Variants in SMS observed in about 807,000 individuals in gnomAD.
SMS encodes the protein spermidine aminopropyltransferase.
A neutral mutation model predicts 33.0 loss-of-function variants in SMS; 3 were observed. The ratio of observed to expected loss-of-function variants is 0.09; its 90% CI spans 0.04 to 0.23. The LOEUF (loss-of-function observed/expected upper bound fraction) is 0.23. SMS is among the 10% of genes least tolerant of loss of function. The pLI is 1.00. For synonymous variants in SMS, 103 were observed against 112.2 expected, an observed-to-expected ratio of 0.92 and a Z score of 0.52; for missense variants, 117 against 288.6, an observed-to-expected ratio of 0.41 and a Z score of 4.31.
In SMS at chrX:21,994,383, A is replaced by G. The variant is rs1925949768; in HGVS notation, c.*32A>G. The G allele has an allele frequency of 8.3e-7, 1 of 1,200,478 alleles. No individual in the cohort carries two copies. Among genetic ancestry groups the G allele is most frequent in the Non-Finnish European group, 1.1e-6 (1 of 886,817 alleles). ...GTAGCCCCTAATCACATGTGCTGCA[A>G]ATAGCCTTCCTGACCTCCATATGCT... On this transcript the variant is annotated 3_prime_UTR_variant, in exon 11 of 11. Coordinates refer to ENST00000404933, the MANE Select transcript of SMS (RefSeq NM_004595.5).
intron 7 of SMS, among the ~76,000 whole-genome samples, chrX:21,981,878 A>ACTAGAAGCC (rs1241934763): frequency 2.8e-5 from 3 of 105,812 alleles, no homozygotes; most frequent in African/African-American, 6.6e-5. Context: ...TACCAAGCCA[A>ACTAGAAGCC]AAGTCAGACT....
intron 1 of SMS, among the ~76,000 whole-genome samples, chrX:21,944,544 A>AAAAAAAAAAAAAAAAAAAAAAAAAAAAG (rs1555992699): frequency 1.0e-5 from 1 of 99,045 alleles, no homozygotes; most frequent in Non-Finnish European, 2.0e-5. Context: ...AAAAAAAAAA[A>AAAAAAAAAAAAAAAAAAAAAAAAAAAAG]AGAAAAAAAA....
Position 21,992,718 on chromosome X carries a change from C to T in SMS, c.1061+6C>T. On this transcript the variant is annotated splice_donor_region_variant and intron_variant, in intron 10 of 10. Transcript: ENST00000404933. ...GTCCCTTCATACTTGGAATTGTATC[C>T]TTTGACCGTGACATTCTGTTGCCAG... 2 of 1,062,258 alleles carry T rather than the reference C, an allele frequency of 1.9e-6. No homozygotes were observed. Among genetic ancestry groups the T allele is most frequent in the Non-Finnish European group, 2.6e-6 (2 of 761,118 alleles). The allele number at this position is 1,062,258 out of a possible 1,213,427, so 87.5% of individuals were successfully genotyped here. A position where few individuals can be genotyped will look rare whatever the true frequency, so the allele number is the denominator to read the frequency against.
At chrX:21,947,152 A>G (rs780876156) in intron 1 of SMS, among the ~76,000 whole-genome samples, 89 of 112,203 alleles carry the variant, frequency 7.9e-4, no homozygotes, top group African/African-American at 2.8e-3. Flanking sequence ...TGTAGTTCAG[A>G]TTGCATCTAG....
chrX:21,994,295 CT>C lies in SMS; in HGVS notation c.1062-15del. The C allele has an allele frequency of 8.3e-7, 1 of 1,200,299 alleles. No individual in the cohort carries two copies. Among genetic ancestry groups the C allele is most frequent in the Non-Finnish European group, 1.1e-6 (1 of 885,445 alleles). Reference sequence around the variant, plus strand: ...TTCCTTGAATTACCTGCTTTTATTCCTTGACTCCCTGTCCAGGTGGGTATTT... The same window carrying C: ...TTCCTTGAATTACCTGCTTTTATTCCTGACTCCCTGTCCAGGTGGGTATTT... On this transcript the variant is annotated splice_polypyrimidine_tract_variant and intron_variant, in intron 10 of 10. Transcript: ENST00000404933.
At position 21,960,702 on chromosome X, in the gene SMS, AG is replaced by A. The variant is rs757066335; in HGVS notation, c.50-6492del. ...CTGTTCCAACCGCCTCATTTTGCAG[AG>A]GACAACGTCAAGGCTCTGGCCTGTG... is the stretch of plus-strand genomic sequence containing the variant. On this transcript the variant is annotated intron_variant, in intron 1 of 10. Coordinates refer to ENST00000404933, the MANE Select transcript of SMS (RefSeq NM_004595.5). Among the ~76,000 whole-genome samples, 57 of 111,792 alleles carry A rather than the reference AG, an allele frequency of 5.1e-4. 1 individual carries two copies. In the East Asian group the frequency reaches 0.01, roughly 20 times the overall value.
At chrX:21,946,126 A>G (rs1425658477) in intron 1 of SMS, among the ~76,000 whole-genome samples, 2 of 112,445 alleles carry the variant, frequency 1.8e-5, no homozygotes, top group Non-Finnish European at 3.8e-5. Context: ...CTAAATTTCT[A>G]TTAGTGAAAA....
chrX:21,947,826 G>A (rs190264980), intron 1 of SMS, among the ~76,000 whole-genome samples: 19 of 111,138 alleles, frequency 1.7e-4, no homozygotes, highest in African/African-American at 5.3e-4. Flanking sequence ...TGTGCTTCCC[G>A]GTAGCCAGGA....
chrX:21,949,928 G>A (rs1185866096), intron 1 of SMS, among the ~76,000 whole-genome samples: 2 of 104,201 alleles, frequency 1.9e-5, no homozygotes, highest in Non-Finnish European at 3.9e-5. Flanking sequence ...GTCAGTGAGT[G>A]TGATGCAGAT....
At chrX:21,975,343 G>A (rs1924466241) in intron 4 of SMS, among the ~76,000 whole-genome samples, 1 of 111,925 alleles carries the variant, frequency 8.9e-6, no homozygotes, top group African/African-American at 3.2e-5. Context: ...AAACCATAGA[G>A]TTACAATGTA....
chrX:21,994,413 A>G lies in SMS; in HGVS notation c.*62A>G, dbSNP rs1174600980. 6 of 1,193,522 alleles carry G rather than the reference A, an allele frequency of 5.0e-6. No homozygotes were observed. The highest frequency in any genetic ancestry group is 5.7e-6 in the Non-Finnish European group (5 of 882,435). On this transcript the variant is annotated 3_prime_UTR_variant, in exon 11 of 11. Transcript: ENST00000404933. ...CCTTCCTGACCTCCATATGCTGTAC[A>G]TGACATCAAAATGAGTCAGGCAATT...
At chrX:21,959,976 T>C in intron 1 of SMS, 1 of 743,416 alleles carries the variant, frequency 1.3e-6, no homozygotes, top group East Asian at 1.5e-4. Flanking sequence ...GCCCTTGGAC[T>C]TAGGTGGCAA....
intron 2 of SMS, among the ~76,000 whole-genome samples, chrX:21,968,157 C>G (rs1262773691): frequency 8.9e-6 from 1 of 112,459 alleles, no homozygotes; most frequent in East Asian, 2.8e-4. Context: ...CTGAGGTTGC[C>G]TGCTCTAGGA....
chrX:21,961,485 A>T (rs1469163797), intron 1 of SMS, among the ~76,000 whole-genome samples: 1 of 111,005 alleles, frequency 9.0e-6, no homozygotes, highest in African/African-American at 3.3e-5. Context: ...AGATACACAG[A>T]TTTGTGCTTT....
intron 9 of SMS, among the ~76,000 whole-genome samples, chrX:21,986,550 C>T (rs995323663): frequency 9.0e-6 from 1 of 111,491 alleles, no homozygotes; most frequent in Admixed American, 9.6e-5. Flanking sequence ...CTTCCCTCTG[C>T]GTGCAAGACC....
At chrX:21,958,737 C>T (rs1018041131) in intron 1 of SMS, among the ~76,000 whole-genome samples, 4 of 112,304 alleles carry the variant, frequency 3.6e-5, no homozygotes, top group Admixed American at 2.8e-4. Context: ...AGTGCAATTG[C>T]GCCATCTCGG....
At chrX:21,950,108 G>T (rs1329035247) in intron 1 of SMS, among the ~76,000 whole-genome samples, 1 of 111,799 alleles carries the variant, frequency 8.9e-6, no homozygotes, top group African/African-American at 3.3e-5. Flanking sequence ...TTGCTGTGTT[G>T]CTCAGACTGA....
In SMS at chrX:21,982,590, G is replaced by A. The variant is rs773335350; in HGVS notation, c.751-1714G>A. Among the ~76,000 whole-genome samples the A allele has an allele frequency of 6.2e-5, 7 of 112,300 alleles. No individual in the cohort carries two copies. The East Asian group carries it at 2.0e-3, about 32-fold the overall frequency. On this transcript the variant is annotated intron_variant, in intron 7 of 10. Transcript: ENST00000404933. ...ACAGTTAAAAAGGTGTCACTACAAG[G>A]TTTTATTATAGCTGTGCTTGTAGTG...
At chrX:21,950,244 T>C (rs1276260364) in intron 1 of SMS, among the ~76,000 whole-genome samples, 1 of 110,552 alleles carries the variant, frequency 9.0e-6, no homozygotes, top group African/African-American at 3.3e-5. Context: ...TTTAACTGTA[T>C]AAGGCAGTAG....
Sources: allele counts gnomAD v4.1 joint callset (sites outside exome capture counted in the v4.1 genomes callset), GRCh38; gene constraint gnomAD v4.1.1; transcripts MANE v1.5; gene names NCBI Gene and HGNC (gene_info 2026-07-23, HGNC 2026-07-21).